The following SEMA5B variants were observed in gnomAD, a reference collection of about 807,000 sequenced individuals.
SEMA5B encodes the protein semaphorin-5B.
SEMA5B carries 66 observed loss-of-function variants against 135.0 expected under a neutral mutation model. The observed-to-expected ratio is 0.49, with a 90% CI of 0.40 to 0.60. The LOEUF is 0.60. SEMA5B is among the 20% of genes least tolerant of loss of function. SEMA5B has a pLI of 0.00. For synonymous variants in SEMA5B, 690 were observed against 639.5 expected (o/e 1.08, Z -1.19); for missense variants, 1,501 against 1,566.3 (o/e 0.96, Z 0.70).
intron 1 of SEMA5B, among the ~76,000 whole-genome samples, chr3:122,977,054 A>T (rs1015659312): frequency 6.6e-6 from 1 of 152,152 alleles, no homozygotes; most frequent in African/African-American, 2.4e-5. Context: ...TGTCTTGAAA[A>T]AGAAAAAAAG....
intron 1 of SEMA5B, among the ~76,000 whole-genome samples, chr3:123,004,695 A>G (rs1396315239): frequency 6.6e-6 from 1 of 152,198 alleles, no homozygotes; most frequent in Non-Finnish European, 1.5e-5. Flanking sequence ...CCAGGCAACA[A>G]TATGTTACGG....
chr3:122,947,539 G>A (rs1282868974), intron 3 of SEMA5B, among the ~76,000 whole-genome samples: 2 of 152,226 alleles, frequency 1.3e-5, no homozygotes, highest in African/African-American at 4.8e-5. Context: ...AGAGCATAGA[G>A]CAACGGATCG....
chr3:123,028,058 C>G (rs904146420), upstream of SEMA5B, among the ~76,000 whole-genome samples: 1 of 152,174 alleles, frequency 6.6e-6, no homozygotes, highest in Non-Finnish European at 1.5e-5. Context: ...ACTCCGAGCA[C>G]TTGCCGCCGT....
intron 5 of SEMA5B, among the ~76,000 whole-genome samples, 166 bp from the exon 6 acceptor site, chr3:122,929,224 A>T (rs1938822089): frequency 6.6e-6 from 1 of 152,132 alleles, no homozygotes; most frequent in Admixed American, 6.5e-5. Context: ...TGGACGTGGG[A>T]GGGCTCCCAA....
chr3:122,941,103 A>T (rs1939537656), intron 4 of SEMA5B, among the ~76,000 whole-genome samples: 1 of 152,222 alleles, frequency 6.6e-6, no homozygotes, highest in African/African-American at 2.4e-5. Context: ...ATAAATGAAT[A>T]AAAAATTTCC....
chr3:122,979,316 GA>G (rs1941443475), intron 1 of SEMA5B, among the ~76,000 whole-genome samples: 1 of 152,188 alleles, frequency 6.6e-6, no homozygotes, highest in African/African-American at 2.4e-5. Flanking sequence ...TCTCCAGGAA[GA>G]AATGGTTTTC....
chr3:122,980,915 T>C lies in SEMA5B; in HGVS notation c.-38-19614A>G, dbSNP rs182872710. 2.1e-3 allele frequency among the ~76,000 whole-genome samples: 315 copies of C among 152,368 alleles called. 1 individual carries two copies. Among genetic ancestry groups the C allele is most frequent in the African/African-American group, 7.3e-3 (302 of 41,584 alleles). On this transcript the variant is annotated intron_variant, in intron 1 of 22. Transcript: ENST00000357599. ...TTCATGTAAGCAGATTCTTACAGTA[T>C]TTGCCCTTTTGTGTCTGGCTTACTT...
chr3:122,922,158 G>GA, intron 11 of SEMA5B, 36 bp from the exon 12 acceptor site: 1 of 1,549,160 alleles, frequency 6.5e-7, no homozygotes, highest in South Asian at 1.2e-5. Context: ...AGGTGGCCTT[G>GA]AAGGCCCCGG....
rs192940175 is a variant in SEMA5B, at chr3:123,001,383, C to T, written c.-39+26081G>A. On this transcript the variant is annotated intron_variant, in intron 1 of 22. Coordinates refer to ENST00000357599, the MANE Select transcript of SEMA5B (RefSeq NM_001031702.4). ...GATTTTGGAGAAGGAACCACCCCCA[C>T]CCTGACCTCCACTGTTTTTTTAAAC... Among the ~76,000 whole-genome samples, 1,010 of 152,218 alleles carry T rather than the reference C, an allele frequency of 6.6e-3. 13 individuals are homozygous for T. The highest frequency in any genetic ancestry group is 0.023 in the African/African-American group (955 of 41,514).
At chr3:122,953,553 G>A (rs1388446441) in intron 2 of SEMA5B, among the ~76,000 whole-genome samples, 1 of 152,194 alleles carries the variant, frequency 6.6e-6, no homozygotes, top group East Asian at 1.9e-4. Flanking sequence ...CAGGAGAGAA[G>A]GGAAGGACAG....
chr3:122,918,065 C>T (rs1402467054), intron 12 of SEMA5B, among the ~76,000 whole-genome samples: 1 of 152,188 alleles, frequency 6.6e-6, no homozygotes, highest in Non-Finnish European at 1.5e-5. Flanking sequence ...CAACCTCTTA[C>T]AGGCAGCTTA....
rs144224388 is a variant in SEMA5B at position 122,936,639 on chromosome 3, C to T, written c.474+2786G>A. Among the ~76,000 whole-genome samples the T allele has an allele frequency of 3.9e-3, 597 of 152,326 alleles. 3 individuals are homozygous for T. The highest frequency in any genetic ancestry group is 0.014 in the African/African-American group (563 of 41,578). On this transcript the variant is annotated intron_variant, in intron 5 of 22. Coordinates refer to ENST00000357599, the MANE Select transcript of SEMA5B (RefSeq NM_001031702.4). Reference sequence around the variant, plus strand: ...AGGTCGCTCACGAGCTCCTAATTGCCAACTCCAAGACAGCTCATCATGCTG... The same window carrying T: ...AGGTCGCTCACGAGCTCCTAATTGCTAACTCCAAGACAGCTCATCATGCTG...
chr3:123,022,529 CAG>C (rs1261356291), intron 1 of SEMA5B, among the ~76,000 whole-genome samples: 1 of 152,180 alleles, frequency 6.6e-6, no homozygotes, highest in African/African-American at 2.4e-5. Flanking sequence ...TATTTCAAGT[CAG>C]AGAGTGGAGG....
At chr3:122,928,725 C>T in intron 6 of SEMA5B, 110 bp from the exon 7 acceptor site, 3 of 867,534 alleles carry the variant, frequency 3.5e-6, no homozygotes, top group Non-Finnish European at 5.5e-6. Context: ...TAAACACTCC[C>T]CTTGACCCCA....
rs948523114 is a variant in SEMA5B, at chr3:122,911,059, G to A, written c.3092-14C>T. On this transcript the variant is annotated splice_polypyrimidine_tract_variant and intron_variant, in intron 21 of 22. Coordinates refer to ENST00000357599, the MANE Select transcript of SEMA5B (RefSeq NM_001031702.4). Reference sequence around the variant, plus strand: ...TGAGATTGAACCCTAGGGGAAGAGAGGCAGGTAGTAAGATGAGGGCCACTG... The same window carrying A: ...TGAGATTGAACCCTAGGGGAAGAGAAGCAGGTAGTAAGATGAGGGCCACTG... 2.5e-6 allele frequency: 4 copies of A among 1,602,066 alleles called. No individual in the cohort carries two copies. The highest frequency in any genetic ancestry group is 3.4e-6 in the Non-Finnish European group (4 of 1,171,524).
intron 1 of SEMA5B, among the ~76,000 whole-genome samples, chr3:123,024,309 C>T (rs1942753018): frequency 6.6e-6 from 1 of 152,218 alleles, no homozygotes; most frequent in African/African-American, 2.4e-5. Flanking sequence ...GGGTTCCCAT[C>T]CCTCTTTTTA....
intron 5 of SEMA5B, among the ~76,000 whole-genome samples, chr3:122,934,189 G>A (rs1402786603): frequency 3.3e-5 from 5 of 151,610 alleles, no homozygotes; most frequent in African/African-American, 7.3e-5. Flanking sequence ...TTACAGGCGT[G>A]AGCCACCGTG....
chr3:122,967,315 A>G (rs923097476), intron 1 of SEMA5B, among the ~76,000 whole-genome samples: 1 of 152,106 alleles, frequency 6.6e-6, no homozygotes. Flanking sequence ...CCTCCTCCTA[A>G]CTACCCCCAC....
At chr3:122,924,138 T>C (rs915070726) in intron 9 of SEMA5B, among the ~76,000 whole-genome samples, 9 of 152,214 alleles carry the variant, frequency 5.9e-5, no homozygotes, top group African/African-American at 2.2e-4. Flanking sequence ...TTACTAAATA[T>C]GTTAACACTC....
Sources: allele counts gnomAD v4.1 joint callset (sites outside exome capture counted in the v4.1 genomes callset), GRCh38; gene constraint gnomAD v4.1.1; transcripts MANE v1.5; gene names NCBI Gene and HGNC (gene_info 2026-07-23, HGNC 2026-07-21).